Variants in MGAM2 observed in about 807,000 individuals in gnomAD.
The protein encoded by MGAM2 is maltase-glucoamylase 2 (putative).
A neutral mutation model predicts 96.1 loss-of-function variants in MGAM2; 98 were observed. That is an observed-to-expected ratio of 1.02 (90% CI 0.87 to 1.21). MGAM2 has a LOEUF of 1.21. Ranked by LOEUF, MGAM2 falls within the 50% of genes most tolerant of loss-of-function variation. The pLI, the probability that MGAM2 is intolerant of heterozygous loss-of-function variation, is 0.00. For missense variants in MGAM2, 2,055 were observed against 1,182.4 expected, an observed-to-expected ratio of 1.74 and a Z score of -10.82; for synonymous variants, 749 against 414.8, an observed-to-expected ratio of 1.81 and a Z score of -9.79.
At chr7:142,135,756 T>TATC (rs1426130020) in intron 7 of MGAM2, among the ~76,000 whole-genome samples, 2 of 94,518 alleles carry the variant, frequency 2.1e-5, no homozygotes, top group African/African-American at 9.1e-5. Context: ...ACACACACAT[T>TATC]ATCTCTTCTT....
At chr7:142,123,165 T>C (rs1794635589) in intron 3 of MGAM2, among the ~76,000 whole-genome samples, 1 of 148,984 alleles carries the variant, frequency 6.7e-6, no homozygotes, top group African/African-American at 2.5e-5. Flanking sequence ...TAGGTATAGT[T>C]ATATTCTTTT....
At chr7:142,213,371 A>G (rs1585225038) in intron 46 of MGAM2, among the ~76,000 whole-genome samples, 1 of 152,166 alleles carries the variant, frequency 6.6e-6, no homozygotes, top group African/African-American at 2.4e-5. Flanking sequence ...CAAAAAAATC[A>G]GTGACTCCAG....
intron 26 of MGAM2, among the ~76,000 whole-genome samples, chr7:142,168,523 G>A (rs1033584554): frequency 6.6e-6 from 1 of 152,082 alleles, no homozygotes; most frequent in African/African-American, 2.4e-5. Context: ...ACCCACCTTG[G>A]CCTCCCAAAA....
At chr7:142,215,790 T>C (rs2961056) in intron 46 of MGAM2, among the ~76,000 whole-genome samples, 64,206 of 149,202 alleles carry the variant, frequency 0.43, 14,037 homozygotes, top group Admixed American at 0.5. Context: ...TCATGAATAA[T>C]TTTATATTGA....
chr7:142,206,987 A>G (rs1449550743), intron 45 of MGAM2, among the ~76,000 whole-genome samples: 4 of 152,238 alleles, frequency 2.6e-5, no homozygotes, highest in African/African-American at 9.6e-5. Context: ...TCTAGCCAAG[A>G]CTAAATTTTA....
At chr7:142,179,057 A>G (rs1364429881) in intron 32 of MGAM2, among the ~76,000 whole-genome samples, 1 of 152,088 alleles carries the variant, frequency 6.6e-6, no homozygotes, top group Non-Finnish European at 1.5e-5. Flanking sequence ...CTGATGAACT[A>G]TAAAAACATT....
At chr7:142,140,435 A>T (rs1411736525) in intron 10 of MGAM2, among the ~76,000 whole-genome samples, 1 of 152,158 alleles carries the variant, frequency 6.6e-6, no homozygotes, top group Non-Finnish European at 1.5e-5. Flanking sequence ...GCTTGGGTTA[A>T]GTTAGTACAT....
At chr7:142,218,667 A>G (rs1354723717) in intron 47 of MGAM2, 136 bp downstream of exon 47, 5 of 579,198 alleles carry the variant, frequency 8.6e-6, no homozygotes, top group Non-Finnish European at 1.5e-5. Flanking sequence ...TACGTGCAAT[A>G]GATATGTTCC....
At position 142,197,557 on chromosome 7, in the gene MGAM2, A is replaced by G. The variant is rs558413289; in HGVS notation, c.4781+9A>G. 7.0e-5 allele frequency: 49 copies of G among 703,096 alleles called. No homozygotes were observed. The highest frequency in any genetic ancestry group is 1.1e-4 in the Non-Finnish European group (41 of 385,020). 43.6% of individuals were successfully genotyped at this position (703,096 alleles called of 1,614,324 possible). Reference sequence around the variant, plus strand: ...CGGCCCCTTCTCCATGAGTGAGTACAGCCTCTTTCCCCAAGCATGTCTTGC... The same window carrying G: ...CGGCCCCTTCTCCATGAGTGAGTACGGCCTCTTTCCCCAAGCATGTCTTGC... On this transcript the variant is annotated intron_variant, in intron 41 of 47. Transcript: ENST00000477922.
chr7:142,111,998 CTGTGTG>C (rs57967255), intron 1 of MGAM2, among the ~76,000 whole-genome samples, 191 bp downstream of exon 1: 3,696 of 133,624 alleles, frequency 0.028, 119 homozygotes, highest in African/African-American at 0.081. Context: ...AGAGGAGAGA[CTGTGTG>C]TGTGTGTGTG....
intron 40 of MGAM2, 143 bp from the exon 41 acceptor site, chr7:142,197,257 G>T (rs942416903): frequency 1.7e-6 from 1 of 605,636 alleles, no homozygotes; most frequent in Non-Finnish European, 2.9e-6. Flanking sequence ...GGGTGGCAGA[G>T]ATGGGGGAAA....
chr7:142,194,203 T>G (rs1476808380), intron 37 of MGAM2, among the ~76,000 whole-genome samples: 1 of 152,198 alleles, frequency 6.6e-6, no homozygotes, highest in Non-Finnish European at 1.5e-5. Flanking sequence ...CAGCTAATTT[T>G]GCATTTTTAT....
chr7:142,125,682 A>G (rs1455373083), intron 3 of MGAM2, among the ~76,000 whole-genome samples: 13 of 152,220 alleles, frequency 8.5e-5, no homozygotes, highest in Non-Finnish European at 2.9e-5. Flanking sequence ...TGTTTATAAT[A>G]GGTATGAAGC....
intron 32 of MGAM2, among the ~76,000 whole-genome samples, chr7:142,179,727 C>G (rs1278680114): frequency 2.0e-5 from 3 of 152,084 alleles, no homozygotes; most frequent in Non-Finnish European, 4.4e-5. Flanking sequence ...TGAACATGGT[C>G]AGTTAACTTT....
In MGAM2 at chr7:142,137,564, A is replaced by T; in HGVS notation, c.960+19A>T. 1 of 687,048 alleles carries T rather than the reference A, an allele frequency of 1.5e-6. No homozygotes were observed. Among genetic ancestry groups the T allele is most frequent in the Non-Finnish European group, 2.6e-6 (1 of 378,346 alleles). 42.6% of individuals were successfully genotyped at this position (687,048 alleles called of 1,614,324 possible). On this transcript the variant is annotated intron_variant, in intron 9 of 47. Coordinates refer to ENST00000477922, the MANE Select transcript of MGAM2 (RefSeq NM_001293626.2). The stretch of plus-strand genomic sequence containing the variant: ...CTTGGAGGTATGTCTTTGCATTTAG[A>T]TAGTCATTATTTACTGCTGTTATCT...
At chr7:142,114,552 A>G (rs1434920014) in intron 1 of MGAM2, among the ~76,000 whole-genome samples, 1 of 152,228 alleles carries the variant, frequency 6.6e-6, no homozygotes, top group East Asian at 1.9e-4. Flanking sequence ...AGTCATTAAC[A>G]GAGTTTGGGG....
rs558656840 is a variant in MGAM2 at position 142,174,704 on chromosome 7, T to C, written c.3688-948T>C. On this transcript the variant is annotated intron_variant, in intron 31 of 47. Coordinates refer to ENST00000477922, the MANE Select transcript of MGAM2 (RefSeq NM_001293626.2). ...TTCCTATCTAAATGCCCTTTATTTC[T>C]CTCTCTCTCTCTTTTTTTTTTTTTT... is the stretch of plus-strand genomic sequence containing the variant. Among the ~76,000 whole-genome samples the C allele has an allele frequency of 1.2e-4, 15 of 128,540 alleles. 1 individual carries two copies. Among genetic ancestry groups the C allele is most frequent in the African/African-American group, 5.2e-4 (15 of 28,830 alleles). 84.3% of individuals were successfully genotyped at this position (128,540 alleles called of 152,430 possible). A position where few individuals can be genotyped will look rare whatever the true frequency, so the allele number is the denominator to read the frequency against.
intron 12 of MGAM2, among the ~76,000 whole-genome samples, chr7:142,143,031 T>C (rs972490287): frequency 1.4e-4 from 22 of 152,344 alleles, no homozygotes; most frequent in South Asian, 2.1e-4. Context: ...TTACTGTGGG[T>C]ATTTCAAGCT....
chr7:142,143,268 A>G (rs1216698186), intron 12 of MGAM2, among the ~76,000 whole-genome samples: 1 of 152,184 alleles, frequency 6.6e-6, no homozygotes, highest in Non-Finnish European at 1.5e-5. Context: ...GCATAGACAG[A>G]AAAGGGAGGT....
Sources: gnomAD v4.1 joint callset for allele counts (sites outside exome capture counted in the v4.1 genomes callset) on GRCh38, gnomAD v4.1.1 for gene constraint, MANE v1.5 for transcripts, NCBI Gene and HGNC (gene_info 2026-07-23, HGNC 2026-07-21) for gene names.